Variants in APAF1 observed in about 807,000 individuals in gnomAD.
APAF1 encodes the protein apoptotic protease-activating factor 1.
APAF1 carries 91 observed loss-of-function variants against 152.4 expected under a neutral mutation model. The ratio of observed to expected loss-of-function variants is 0.60; its 90% CI spans 0.50 to 0.71. The LOEUF is 0.71. Ranked by LOEUF, APAF1 falls within the 30% of genes least tolerant of loss-of-function variation. APAF1 has a pLI of 0.00. For synonymous variants in APAF1, 484 were observed against 494.1 expected, an observed-to-expected ratio of 0.98 and a Z score of 0.27; for missense variants, 1,283 against 1,472.0, an observed-to-expected ratio of 0.87 and a Z score of 2.10.
intron 7 of APAF1, 113 bp from the exon 8 acceptor site, chr12:98,665,440 T>C: frequency 1.2e-6 from 1 of 805,524 alleles, no homozygotes; most frequent in Non-Finnish European, 2.2e-6. Flanking sequence ...TACTTAAGGC[T>C]TTTGATAACA....
chr12:98,723,157 G>A lies in APAF1; in HGVS notation c.3085-36G>A, dbSNP rs754650498. The A allele has an allele frequency of 1.1e-5, 17 of 1,607,330 alleles. No homozygotes were observed. In the East Asian group the frequency reaches 3.6e-4, roughly 34 times the overall value. On this transcript the variant is annotated intron_variant, in intron 22 of 26. Transcript: ENST00000551964. ...ACCCCTCCAATGAGATAGGATCGGGGGAGGATTATAACAGACTTATTTCTT... is the reference window on the plus strand; with the variant it reads ...ACCCCTCCAATGAGATAGGATCGGGAGAGGATTATAACAGACTTATTTCTT...
intron 5 of APAF1, among the ~76,000 whole-genome samples, chr12:98,661,093 A>G (rs2288734): frequency 0.13 from 20,439 of 151,956 alleles, 1,692 homozygotes; most frequent in Non-Finnish European, 0.19. Context: ...AGTAGAGATG[A>G]GGTTTCACCG....
In APAF1 at chr12:98,720,002, T is replaced by C. The variant is rs372790619; in HGVS notation, c.3085-3191T>C. ...CTTTAGTACAGAAACTTACTTGTTA[T>C]AGGCTCCCATGACACTGGTGTTCTA... On this transcript the variant is annotated intron_variant, in intron 22 of 26. Transcript: ENST00000551964. Among the ~76,000 whole-genome samples the C allele has an allele frequency of 3.9e-5, 6 of 152,338 alleles. No homozygotes were observed. In the East Asian group the frequency reaches 7.7e-4, roughly 20 times the overall value.
Position 98,680,287 on chromosome 12 carries a change from C to T in APAF1, c.1931C>T (p.Ala644Val), listed in dbSNP as rs765058180. 6.2e-7 allele frequency: 1 copy of T among 1,604,772 alleles called. No individual in the cohort carries two copies. The highest frequency in any genetic ancestry group is 1.1e-5 in the South Asian group (1 of 89,944). Residue 644 changes from alanine to valine, a missense_variant, in exon 14 of 27, where the codon GCT (alanine) becomes GTT (valine). Ala to Val is a moderately conservative substitution (Grantham distance 64). Coordinates refer to ENST00000551964, the MANE Select transcript of APAF1 (RefSeq NM_181861.2). ...TTGTTACTTGTGCAGGTGTTCAAAG[C>T]TGAAACAGGAGAGAAACTTCTAGAA... is the stretch of plus-strand genomic sequence containing the variant. ...GADKTLQVFK[A>V]ETGEKLLEIK...
chr12:98,716,800 T>A (rs917538851), intron 22 of APAF1, among the ~76,000 whole-genome samples: 1 of 152,184 alleles, frequency 6.6e-6, no homozygotes, highest in African/African-American at 2.4e-5. Context: ...AGATGTTAGA[T>A]CTCCCGGACT....
intron 19 of APAF1, among the ~76,000 whole-genome samples, chr12:98,708,029 C>G (rs1416383969): frequency 6.6e-6 from 1 of 152,204 alleles, no homozygotes; most frequent in African/African-American, 2.4e-5. Flanking sequence ...TCACTGCAAC[C>G]TCCACCTCCC....
Position 98,676,589 on chromosome 12 carries a change from A to G in APAF1, c.1794-836A>G, listed in dbSNP as rs1175785097. 5.3e-5 allele frequency among the ~76,000 whole-genome samples: 8 copies of G among 152,154 alleles called. No homozygotes were observed. The East Asian group carries it at 1.5e-3, about 29-fold the overall frequency. On this transcript the variant is annotated intron_variant, in intron 12 of 26. Coordinates refer to ENST00000551964, the MANE Select transcript of APAF1 (RefSeq NM_181861.2). ...TTGATATTCATTAGATTGAGATACA[A>G]AGAATATGATGTTGCTTTATCTTTT...
At chr12:98,689,817 A>G (rs750250344) in intron 16 of APAF1, among the ~76,000 whole-genome samples, 2 of 152,166 alleles carry the variant, frequency 1.3e-5, no homozygotes, top group Admixed American at 6.5e-5. Flanking sequence ...TTCTGAGTAC[A>G]TATATCTATC....
chr12:98,723,283 C>T lies in APAF1; in HGVS notation c.3175C>T (p.Leu1059Phe). 1 of 1,613,580 alleles carries T rather than the reference C, an allele frequency of 6.2e-7. No individual in the cohort carries two copies. The highest frequency in any genetic ancestry group is 8.5e-7 in the Non-Finnish European group (1 of 1,179,622). ...TAGACTCTTGAAAAATTCAAGACTG[C>T]TTTCTTGGTCATTTGATGGAACAGT... ...DFRLLKNSRLLSWSFDGTVKV... is the reference protein window; with the variant it reads ...DFRLLKNSRLFSWSFDGTVKV... Residue 1059 changes from leucine to phenylalanine, a missense_variant, in exon 23 of 27, where the codon CTT becomes TTT. Transcript: ENST00000551964.
intron 16 of APAF1, among the ~76,000 whole-genome samples, chr12:98,692,771 A>G (rs2097705699): frequency 1.3e-5 from 2 of 152,166 alleles, no homozygotes; most frequent in African/African-American, 4.8e-5. Flanking sequence ...TATATGTACC[A>G]TATTTCCTTT....
chr12:98,708,313 A>G (rs2097724078), intron 19 of APAF1, among the ~76,000 whole-genome samples: 1 of 152,208 alleles, frequency 6.6e-6, no homozygotes, highest in Admixed American at 6.5e-5. Context: ...ATCTTTGAGT[A>G]ACACTGGGTT....
At chr12:98,652,042 T>A (rs2097649662) in intron 4 of APAF1, among the ~76,000 whole-genome samples, 1 of 152,204 alleles carries the variant, frequency 6.6e-6, no homozygotes, top group African/African-American at 2.4e-5. Context: ...CTCGAACTCC[T>A]GAGCTCAAGC....
At position 98,675,675 on chromosome 12, in the gene APAF1, G is replaced by A. The variant is rs945274239; in HGVS notation, c.1794-1750G>A. 4.6e-5 allele frequency among the ~76,000 whole-genome samples: 7 copies of A among 152,106 alleles called. No homozygotes were observed. In the South Asian group the frequency reaches 1.2e-3, roughly 27 times the overall value. On this transcript the variant is annotated intron_variant, in intron 12 of 26. Transcript: ENST00000551964. The stretch of plus-strand genomic sequence containing the variant: ...TTAGGGTATACAGGAGGATGTGGTG[G>A]GTTACATGCAAATCCTATACCATTT...
Position 98,648,867 on chromosome 12 carries a change from T to G in APAF1, c.328+52T>G, listed in dbSNP as rs2097645576. ...CTTTGCTATCAAAATTGCTTTGGGT[T>G]TGTCTTATTGTAGATGTAATCTTTT... On this transcript the variant is annotated intron_variant, in intron 3 of 26. Coordinates refer to ENST00000551964, the MANE Select transcript of APAF1 (RefSeq NM_181861.2). 2.0e-6 allele frequency: 3 copies of G among 1,520,894 alleles called. No individual in the cohort carries two copies. In the South Asian group the frequency reaches 3.4e-5, roughly 17 times the overall value. The allele number at this position is 1,520,894 out of a possible 1,614,324, so 94.2% of individuals were successfully genotyped here.
intron 14 of APAF1, among the ~76,000 whole-genome samples, chr12:98,682,811 T>C (rs4403844): frequency 0.018 from 2,745 of 152,320 alleles, 84 homozygotes; most frequent in African/African-American, 0.06. Flanking sequence ...ACCAGAAATC[T>C]ATTATGCTAA....
At chr12:98,678,884 A>G (rs987471510) in intron 13 of APAF1, among the ~76,000 whole-genome samples, 10 of 152,196 alleles carry the variant, frequency 6.6e-5, no homozygotes, top group Admixed American at 4.6e-4. Context: ...CATAGGAGGG[A>G]AGCCAAGGGG....
chr12:98,716,937 C>T (rs901476783), intron 22 of APAF1, among the ~76,000 whole-genome samples: 5 of 152,096 alleles, frequency 3.3e-5, no homozygotes, highest in African/African-American at 1.2e-4. Context: ...GCGATCTTGG[C>T]TCACTGTAAC....
At chr12:98,685,361 G>A (rs2097696891) in intron 15 of APAF1, among the ~76,000 whole-genome samples, 1 of 149,098 alleles carries the variant, frequency 6.7e-6, no homozygotes, top group African/African-American at 2.5e-5. Context: ...TTTTGAGATG[G>A]CATCTTGCTC....
rs2097645423 is a variant in APAF1, at chr12:98,648,745, T to A, written c.258T>A (p.Leu86=). The change falls in exon 3 of 27, where the codon CTT becomes CTA. Residue 86 remains leucine (L), a synonymous_variant. Transcript: ENST00000551964. ...AAGGATATAAAGATCTTGCTGCCCT[T>A]CTCCATGATGGCATTCCTGTTGTCT... ...LHEGYKDLAA[L]LHDGIPVVSS... 6.2e-7 allele frequency: 1 copy of A among 1,613,888 alleles called. No homozygotes were observed.
Sources: allele counts gnomAD v4.1 joint callset (sites outside exome capture counted in the v4.1 genomes callset), GRCh38; gene constraint gnomAD v4.1.1; transcripts MANE v1.5; gene names NCBI Gene and HGNC (gene_info 2026-07-23, HGNC 2026-07-21).